PCDHA10: variants seen among roughly 807,000 people sequenced by gnomAD.
PCDHA10 encodes protocadherin alpha 10, also known as protocadherin alpha-10.
Under a neutral mutation model 61.2 loss-of-function variants are expected in PCDHA10, and 45 were observed. That is an observed-to-expected ratio of 0.74 (90% CI 0.58 to 0.94). PCDHA10 has a LOEUF of 0.94. PCDHA10 is among the 40% of genes least tolerant of loss of function. The probability of loss-of-function intolerance (pLI) is 0.00; values close to 1 mark genes in which losing one functional copy is unlikely to be tolerated. For synonymous variants in PCDHA10, 602 were observed against 548.8 expected (o/e 1.10, Z -1.35); for missense variants, 1,278 against 1,236.2 (o/e 1.03, Z -0.51).
intron 1 of PCDHA10, among the ~76,000 whole-genome samples, chr5:140,962,126 C>T (rs1429316991): frequency 6.6e-6 from 1 of 152,094 alleles, no homozygotes; most frequent in African/African-American, 2.4e-5. Flanking sequence ...ACCTTGGCCT[C>T]GGCCTCCCAA....
chr5:140,942,590 A>G (rs868979857), intron 1 of PCDHA10, among the ~76,000 whole-genome samples: 1 of 148,658 alleles, frequency 6.7e-6, no homozygotes, highest in Admixed American at 6.8e-5. Context: ...GATGTCACAT[A>G]TAATTATAGT....
Position 141,009,935 on chromosome 5 carries a change from T to TGAG in PCDHA10, c.2847_*2dup. Reference sequence around the variant, plus strand: ...CAGCACGACTGACAACAGTGACCAGTGAGGTCCTCAAATGGAAACAAGCCA... The same window carrying TGAG: ...CAGCACGACTGACAACAGTGACCAGTGAGGAGGTCCTCAAATGGAAACAAGCCA... On this transcript the variant is annotated inframe_insertion and stop_retained_variant, in exon 4 of 4. Transcript: ENST00000307360. 6.2e-7 allele frequency: 1 copy of TGAG among 1,602,418 alleles called. No individual in the cohort carries two copies. The highest frequency in any genetic ancestry group is 8.5e-7 in the Non-Finnish European group (1 of 1,176,054).
intron 1 of PCDHA10, among the ~76,000 whole-genome samples, chr5:140,946,631 T>TATACATACAC (rs57893927): frequency 7.6e-6 from 1 of 131,846 alleles, no homozygotes; most frequent in Non-Finnish European, 1.5e-5. Context: ...TATATATATA[T>TATACATACAC]ACAATGGAAT....
intron 3 of PCDHA10, among the ~76,000 whole-genome samples, chr5:141,000,417 A>AT (rs1563652061): frequency 7.5e-4 from 58 of 77,708 alleles, no homozygotes; most frequent in African/African-American, 1.3e-3. Context: ...ATATATATAT[A>AT]TATATTTTTT....
chr5:140,990,195 A>C (rs1030331876), intron 3 of PCDHA10, among the ~76,000 whole-genome samples: 1 of 152,012 alleles, frequency 6.6e-6, no homozygotes, highest in Non-Finnish European at 1.5e-5. Flanking sequence ...CCAAATGTGG[A>C]CCCGAAAGAG....
intron 3 of PCDHA10, among the ~76,000 whole-genome samples, chr5:140,986,846 A>G (rs782028314): frequency 6.6e-6 from 1 of 152,200 alleles, no homozygotes; most frequent in Non-Finnish European, 1.5e-5. Flanking sequence ...AAGGGGCAGC[A>G]ACACCAACAA....
At position 140,857,673 on chromosome 5, in the gene PCDHA10, C is replaced by G. The variant is rs372854727; in HGVS notation, c.1625C>G (p.Pro542Arg). The change falls in exon 1 of 4, where the codon CCG becomes CGG. Residue 542 changes from proline (P) to arginine (R), a missense_variant. Transcript: ENST00000307360. The stretch of plus-strand genomic sequence containing the variant: ...GTGAGCGCGCGCGATGGGGGCGTGC[C>G]GCCTCTGGGCAGCAACTTGACGCTG... ...FQVSARDGGVPPLGSNLTLQV... is the reference protein window; with the variant it reads ...FQVSARDGGVRPLGSNLTLQV... 6.3e-7 allele frequency: 1 copy of G among 1,596,942 alleles called. No homozygotes were observed. Among genetic ancestry groups the G allele is most frequent in the Non-Finnish European group, 8.6e-7 (1 of 1,167,760 alleles).
chr5:140,967,073 G>C (rs1554229137), intron 1 of PCDHA10: 1 of 1,613,160 alleles, frequency 6.2e-7, no homozygotes, highest in Non-Finnish European at 8.5e-7. Context: ...CTTCGTCAAC[G>C]AGCGCATTGA....
rs372392810 is a variant in PCDHA10, at chr5:140,953,521, C to T, written c.2389-25428C>T. On this transcript the variant is annotated intron_variant, in intron 1 of 3. Coordinates refer to ENST00000307360, the MANE Select transcript of PCDHA10 (RefSeq NM_018901.4). Reference sequence around the variant, plus strand: ...AGCTATTAGGCCAAAGCAACAAAAACGGGAAACTCACTTCATGCTGATTCT... The same window carrying T: ...AGCTATTAGGCCAAAGCAACAAAAATGGGAAACTCACTTCATGCTGATTCT... 2.0e-5 allele frequency among the ~76,000 whole-genome samples: 3 copies of T among 152,230 alleles called. No individual in the cohort carries two copies. In the East Asian group the frequency reaches 5.8e-4, roughly 29 times the overall value.
In PCDHA10 at chr5:141,010,190, C is replaced by T. The variant is rs868983471; in HGVS notation, c.*253C>T. On this transcript the variant is annotated 3_prime_UTR_variant, in exon 4 of 4. Coordinates refer to ENST00000307360, the MANE Select transcript of PCDHA10 (RefSeq NM_018901.4). ...GAACCTAAAAAGCAGACCCAAGTTT[C>T]CTTTCTCCTCCGCCGCAAAGGAGAG... The T allele has an allele frequency of 6.4e-7, 1 of 1,552,504 alleles. No homozygotes were observed. Among genetic ancestry groups the T allele is most frequent in the Non-Finnish European group, 8.7e-7 (1 of 1,147,234 alleles).
At chr5:140,966,489 C>T in intron 1 of PCDHA10, 1 of 440,146 alleles carries the variant, frequency 2.3e-6, no homozygotes, top group Non-Finnish European at 3.9e-6. Flanking sequence ...TTCCCTCCCC[C>T]TGGAGCTGTA....
rs116001450 is a variant in PCDHA10 at position 140,876,617 on chromosome 5, A to G, written c.2388+18181A>G. 182 of 1,614,178 alleles carry G rather than the reference A, an allele frequency of 1.1e-4. No individual in the cohort carries two copies. The African/African-American group carries it at 2.3e-3, about 20-fold the overall frequency. ...GTGTCGGATCGTGACTCTGGAGCCAATGGACAGGTCATCTGCTCACTGACA... is the reference window on the plus strand; with the variant it reads ...GTGTCGGATCGTGACTCTGGAGCCAGTGGACAGGTCATCTGCTCACTGACA... On this transcript the variant is annotated intron_variant, in intron 1 of 3. Transcript: ENST00000307360.
In PCDHA10 at chr5:140,967,289, C is replaced by A. The variant is rs782440125; in HGVS notation, c.2389-11660C>A. ...CTTTCACATAGAGAGTGCGCAGGAC[C>A]CCGACGTGGGCGCCAACTCAGTACA... On this transcript the variant is annotated intron_variant, in intron 1 of 3. Transcript: ENST00000307360. 3 of 1,612,910 alleles carry A rather than the reference C, an allele frequency of 1.9e-6. No homozygotes were observed. The East Asian group carries it at 6.7e-5, about 36-fold the overall frequency.
intron 1 of PCDHA10, among the ~76,000 whole-genome samples, chr5:140,890,310 G>C (rs1554184247): frequency 6.6e-6 from 1 of 152,160 alleles, no homozygotes; most frequent in African/African-American, 2.4e-5. Context: ...GTAATATTAA[G>C]TTGTTTTAAG....
intron 3 of PCDHA10, among the ~76,000 whole-genome samples, chr5:140,997,372 A>G (rs2097768557): frequency 6.6e-6 from 1 of 152,208 alleles, no homozygotes; most frequent in Non-Finnish European, 1.5e-5. Context: ...CCTAGATGAT[A>G]TAGCATACTA....
chr5:140,867,157 C>T (rs1194187128), intron 1 of PCDHA10: 2 of 152,166 alleles, frequency 1.3e-5, no homozygotes, highest in East Asian at 3.9e-4. Context: ...CCAGAGTAAA[C>T]CTTCTAAGGT....
intron 3 of PCDHA10, among the ~76,000 whole-genome samples, chr5:140,997,288 T>C (rs1554255825): frequency 1.3e-5 from 2 of 152,222 alleles, no homozygotes; most frequent in African/African-American, 4.8e-5. Context: ...CACTTAACAA[T>C]GGGGATACAC....
chr5:140,897,548 A>G (rs1417180451), intron 1 of PCDHA10, among the ~76,000 whole-genome samples: 6 of 152,098 alleles, frequency 3.9e-5, no homozygotes, highest in Admixed American at 2.6e-4. Context: ...ATAGTCTTCC[A>G]TGGTGTATAT....
chr5:140,969,823 T>C (rs782195981), intron 1 of PCDHA10, among the ~76,000 whole-genome samples: 3 of 152,248 alleles, frequency 2.0e-5, no homozygotes, highest in Non-Finnish European at 4.4e-5. Context: ...CTCTGGACTG[T>C]CTACAGTGGA....
Sources: allele counts gnomAD v4.1 joint callset (sites outside exome capture counted in the v4.1 genomes callset), GRCh38; gene constraint gnomAD v4.1.1; transcripts MANE v1.5; gene names NCBI Gene and HGNC (gene_info 2026-07-23, HGNC 2026-07-21).